Variants in ANKS1B observed in about 807,000 individuals in gnomAD.
ANKS1B encodes ankyrin repeat and sterile alpha motif domain-containing protein 1B.
ANKS1B carries 36 observed loss-of-function variants against 148.3 expected under a neutral mutation model. The ratio of observed to expected loss-of-function variants is 0.24; its 90% CI spans 0.19 to 0.32. The LOEUF (loss-of-function observed/expected upper bound fraction) is 0.32. Among genes scored for constraint, ANKS1B ranks in the 10% least tolerant of loss-of-function variants. ANKS1B has a pLI of 1.00. For synonymous variants in ANKS1B, 542 were observed against 560.8 expected (o/e 0.97, Z 0.47); for missense variants, 1,157 against 1,542.6 (o/e 0.75, Z 4.19).
chr12:98,916,794 C>T (rs2099794976), intron 17 of ANKS1B, among the ~76,000 whole-genome samples: 1 of 152,158 alleles, frequency 6.6e-6, no homozygotes, highest in Non-Finnish European at 1.5e-5. Flanking sequence ...GGCACCACCA[C>T]TTATTTCCTA....
intron 17 of ANKS1B, among the ~76,000 whole-genome samples, chr12:99,029,940 A>G (rs578169988): frequency 2.6e-4 from 39 of 152,358 alleles, no homozygotes; most frequent in African/African-American, 7.5e-4. Context: ...GTGATCTGAG[A>G]TGTGTGAAAG....
intron 26 of ANKS1B, among the ~76,000 whole-genome samples, chr12:98,747,402 C>T (rs1449976595): frequency 3.9e-5 from 6 of 152,188 alleles, no homozygotes; most frequent in African/African-American, 1.2e-4. Context: ...CAATGTGATA[C>T]GATCTCACCC....
intron 12 of ANKS1B, among the ~76,000 whole-genome samples, chr12:99,263,711 T>C (rs1235869108): frequency 6.6e-6 from 1 of 152,098 alleles, no homozygotes; most frequent in Admixed American, 6.6e-5. Context: ...ATATGACGGT[T>C]TTATAAGTGC....
chr12:98,784,314 G>A (rs2098767921), intron 22 of ANKS1B, among the ~76,000 whole-genome samples: 1 of 152,132 alleles, frequency 6.6e-6, no homozygotes. Flanking sequence ...AAATCCCAAG[G>A]GGTGGGGCAG....
At chr12:98,892,165 C>T (rs2099754062) in intron 17 of ANKS1B, among the ~76,000 whole-genome samples, 1 of 152,206 alleles carries the variant, frequency 6.6e-6, no homozygotes, top group African/African-American at 2.4e-5. Context: ...AATAAACTCT[C>T]CTTGGTGTTT....
At chr12:98,745,949 A>T (rs1340597782) in intron 26 of ANKS1B, 100 bp from the exon 27 acceptor site, 38 of 1,303,138 alleles carry the variant, frequency 2.9e-5, no homozygotes, top group Non-Finnish European at 3.4e-5. Flanking sequence ...CCCTCGCCCC[A>T]GGCGCGGGGC....
chr12:98,808,477 C>A (rs570724722), intron 19 of ANKS1B, among the ~76,000 whole-genome samples: 1 of 152,206 alleles, frequency 6.6e-6, no homozygotes, highest in South Asian at 2.1e-4. Context: ...AGCTTGCTAC[C>A]CAGCACTGGG....
At chr12:99,560,664 G>A (rs779173019) in intron 9 of ANKS1B, among the ~76,000 whole-genome samples, 3 of 151,948 alleles carry the variant, frequency 2.0e-5, no homozygotes, top group Non-Finnish European at 4.4e-5. Flanking sequence ...TAAAAGCAAT[G>A]TACATACCTT....
intron 1 of ANKS1B, among the ~76,000 whole-genome samples, chr12:99,904,986 G>A (rs1431823285): frequency 6.6e-6 from 1 of 152,038 alleles, no homozygotes; most frequent in African/African-American, 2.4e-5. Context: ...AATATTTGTT[G>A]AACTAAAAGA....
At chr12:99,546,693 A>C (rs1365313571) in intron 9 of ANKS1B, among the ~76,000 whole-genome samples, 1 of 152,208 alleles carries the variant, frequency 6.6e-6, no homozygotes, top group East Asian at 1.9e-4. Context: ...TAAGGGTTCT[A>C]CTTTATGCAT....
intron 1 of ANKS1B, among the ~76,000 whole-genome samples, chr12:99,948,028 T>A (rs1180578270): frequency 1.3e-5 from 2 of 152,206 alleles, no homozygotes; most frequent in African/African-American, 4.8e-5. Flanking sequence ...TAGACCCAGA[T>A]AACCTCCCTA....
At chr12:99,958,474 C>G (rs1005591099) in intron 1 of ANKS1B, among the ~76,000 whole-genome samples, 2 of 152,166 alleles carry the variant, frequency 1.3e-5, no homozygotes, top group African/African-American at 4.8e-5. Context: ...CCTCAACCTC[C>G]TGGGCTCAAG....
intron 10 of ANKS1B, among the ~76,000 whole-genome samples, chr12:99,454,642 T>C (rs1428774426): frequency 6.6e-6 from 1 of 152,214 alleles, no homozygotes; most frequent in Non-Finnish European, 1.5e-5. Context: ...TTTAGCATAA[T>C]AATTCACCAG....
intron 17 of ANKS1B, among the ~76,000 whole-genome samples, chr12:98,854,953 A>G (rs1409942171): frequency 6.6e-6 from 1 of 151,946 alleles, no homozygotes; most frequent in Non-Finnish European, 1.5e-5. Context: ...AGGTCAGGAG[A>G]TCGAGACCAT....
intron 9 of ANKS1B, among the ~76,000 whole-genome samples, chr12:99,594,246 G>A (rs868749937): frequency 3.3e-5 from 5 of 152,008 alleles, no homozygotes; most frequent in East Asian, 1.9e-4. Flanking sequence ...TGGAAACTTC[G>A]TGTACTGTTG....
chr12:99,406,725 TA>T (rs1294556169), intron 11 of ANKS1B, among the ~76,000 whole-genome samples: 1 of 145,602 alleles, frequency 6.9e-6, no homozygotes, highest in Non-Finnish European at 1.5e-5. Context: ...CTAAATAAAA[TA>T]AAAAGTTGGT....
At chr12:99,853,522 C>G (rs980334309) in intron 1 of ANKS1B, among the ~76,000 whole-genome samples, 1 of 152,108 alleles carries the variant, frequency 6.6e-6, no homozygotes, top group Non-Finnish European at 1.5e-5. Context: ...ATCCCCATCA[C>G]TAGGGGAAGG....
At chr12:99,950,433 A>T (rs774050668) in intron 1 of ANKS1B, among the ~76,000 whole-genome samples, 1 of 151,796 alleles carries the variant, frequency 6.6e-6, no homozygotes, top group South Asian at 2.1e-4. Flanking sequence ...TCCCCACCAC[A>T]CATACTTTCC....
rs372409990 is a variant in ANKS1B at position 99,246,880 on chromosome 12, A to G, written c.1757-16T>C. On this transcript the variant is annotated splice_polypyrimidine_tract_variant and intron_variant, in intron 12 of 26. Coordinates refer to ENST00000683438, the MANE Select transcript of ANKS1B (RefSeq NM_001352186.2). ...GAGAGGTCATCTGCAAAAGGAAGGA[A>G]GGGATATCAGGGTTTATAAAGGTTC... The G allele has an allele frequency of 4.3e-4, 665 of 1,543,544 alleles. No homozygotes were observed. The highest frequency in any genetic ancestry group is 5.4e-4 in the Non-Finnish European group (628 of 1,154,862).
Sources: allele counts gnomAD v4.1 joint callset (sites outside exome capture counted in the v4.1 genomes callset), GRCh38; gene constraint gnomAD v4.1.1; transcripts MANE v1.5; gene names NCBI Gene and HGNC (gene_info 2026-07-23, HGNC 2026-07-21).